Variants in SHOC1 observed in about 807,000 individuals in gnomAD.
The protein encoded by SHOC1 is shortage in chiasmata 1.
A neutral mutation model predicts 179.2 loss-of-function variants in SHOC1; 136 were observed. The observed-to-expected ratio is 0.76, with a 90% CI of 0.66 to 0.87. The LOEUF (loss-of-function observed/expected upper bound fraction) is 0.87, where lower values mean the gene tolerates loss of function less well. Among genes scored for constraint, SHOC1 ranks in the 40% least tolerant of loss-of-function variants. The probability of loss-of-function intolerance (pLI) is 0.00; values close to 1 mark genes in which losing one functional copy is unlikely to be tolerated. For synonymous variants in SHOC1, 489 were observed against 586.6 expected (o/e 0.83, Z 2.41); for missense variants, 1,538 against 1,700.8 (o/e 0.90, Z 1.68).
chr9:111,707,847 ATT>A lies in SHOC1; in HGVS notation c.2558+6_2558+7del. ...TTGTTCCTCACAGATGAAGGAATGA[ATT>A]TTTACCCCCTTAAAACACCTTCAGA... is the stretch of plus-strand genomic sequence containing the variant. On this transcript the variant is annotated splice_donor_region_variant and intron_variant, in intron 19 of 27. Coordinates refer to ENST00000682961, the MANE Select transcript of SHOC1 (RefSeq NM_001378211.1). 6.4e-7 allele frequency: 1 copy of A among 1,551,912 alleles called. No homozygotes were observed. The highest frequency in any genetic ancestry group is 8.8e-7 in the Non-Finnish European group (1 of 1,139,798).
At chr9:111,792,509 C>T (rs765771546) in intron 1 of SHOC1, among the ~76,000 whole-genome samples, 8 of 151,956 alleles carry the variant, frequency 5.3e-5, no homozygotes, top group Non-Finnish European at 1.0e-4. Context: ...GGCTGAGGCA[C>T]GAGAATTGCT....
At chr9:111,708,729 G>A (rs1832393149) in intron 18 of SHOC1, among the ~76,000 whole-genome samples, 1 of 152,064 alleles carries the variant, frequency 6.6e-6, no homozygotes, top group South Asian at 2.1e-4. Context: ...ATTCACTCTT[G>A]CTTCTCATAC....
chr9:111,734,856 T>C (rs574148888), intron 12 of SHOC1, among the ~76,000 whole-genome samples: 2 of 152,308 alleles, frequency 1.3e-5, no homozygotes, highest in East Asian at 3.9e-4. Context: ...TAGGAGTACA[T>C]GGGCAGGTTT....
At chr9:111,792,010 GGAAACAATTTGT>G (rs1404649367) in intron 1 of SHOC1, among the ~76,000 whole-genome samples, 4 of 152,142 alleles carry the variant, frequency 2.6e-5, no homozygotes, top group Non-Finnish European at 4.4e-5. Context: ...TGGAAAATTG[GGAAACAATTTGT>G]GAAACTGTTT....
chr9:111,783,721 C>T lies in SHOC1; in HGVS notation c.169+2191G>A, dbSNP rs139517955. On this transcript the variant is annotated intron_variant, in intron 3 of 27. Transcript: ENST00000682961. The stretch of plus-strand genomic sequence containing the variant: ...CTTGAGAAGCAGGTTCACTGTATAC[C>T]GATTACCAACTTGTTTGAGTATGGT... Among the ~76,000 whole-genome samples the T allele has an allele frequency of 2.1e-3, 323 of 152,230 alleles. 3 individuals are homozygous for T. Among genetic ancestry groups the T allele is most frequent in the Non-Finnish European group, 7.6e-4 (52 of 68,022 alleles).
chr9:111,742,471 G>A (rs1015253181), intron 10 of SHOC1, among the ~76,000 whole-genome samples: 2 of 143,690 alleles, frequency 1.4e-5, no homozygotes, highest in Non-Finnish European at 3.0e-5. Flanking sequence ...GTCTGTGTAT[G>A]TGTGTTTAGG....
intron 12 of SHOC1, among the ~76,000 whole-genome samples, chr9:111,737,529 G>A (rs1471670627): frequency 2.6e-5 from 4 of 151,500 alleles, no homozygotes; most frequent in South Asian, 4.2e-4. Flanking sequence ...GCATGGTGGC[G>A]GGCACCTGTA....
intron 2 of SHOC1, among the ~76,000 whole-genome samples, chr9:111,786,877 G>T (rs1325544236): frequency 2.0e-5 from 3 of 152,182 alleles, no homozygotes; most frequent in Non-Finnish European, 4.4e-5. Flanking sequence ...AGGACAAGCT[G>T]ACTCTCTTGC....
At chr9:111,763,148 A>G (rs1564156452) in intron 5 of SHOC1, among the ~76,000 whole-genome samples, 1 of 151,872 alleles carries the variant, frequency 6.6e-6, no homozygotes, top group Non-Finnish European at 1.5e-5. Context: ...TAAAAAATAA[A>G]TGATATATAA....
chr9:111,758,176 C>G lies in SHOC1; in HGVS notation c.616G>C (p.Glu206Gln), dbSNP rs1162096983. The change falls in exon 7 of 28, where the codon GAA (glutamate) becomes CAA (glutamine). Residue 206 changes from glutamate (E) to glutamine (Q), a missense_variant. Coordinates refer to ENST00000682961, the MANE Select transcript of SHOC1 (RefSeq NM_001378211.1). ...TCTTTCACAAAAGCTTCCAAAGTTT[C>G]TTGAAGAGAGAAACATTCCCTTAAA... ...NFSRECFSLQ[E>Q]TLEAFVKEDF... 2 of 1,572,366 alleles carry G rather than the reference C, an allele frequency of 1.3e-6. No individual in the cohort carries two copies. Among genetic ancestry groups the G allele is most frequent in the Non-Finnish European group, 1.7e-6 (2 of 1,159,140 alleles).
intron 5 of SHOC1, among the ~76,000 whole-genome samples, chr9:111,767,920 G>A (rs1589458971): frequency 2.0e-5 from 3 of 150,826 alleles, no homozygotes; most frequent in Admixed American, 2.0e-4. Context: ...TTGGTATTTT[G>A]ATAGGGATTG....
chr9:111,759,593 A>G (rs1277146194), intron 5 of SHOC1: 1 of 1,059,954 alleles, frequency 9.4e-7, no homozygotes, highest in African/African-American at 1.7e-5. Context: ...CAATTCTTCA[A>G]TAAGTTTTTG....
intron 12 of SHOC1, among the ~76,000 whole-genome samples, chr9:111,731,131 A>C (rs1833549153): frequency 6.6e-6 from 1 of 152,014 alleles, no homozygotes; most frequent in African/African-American, 2.4e-5. Flanking sequence ...GCTTTGGCTT[A>C]AGGGAATATT....
rs192022053 is a variant in SHOC1 at position 111,708,209 on chromosome 9, T to G, written c.2489-285A>C. Among the ~76,000 whole-genome samples the G allele has an allele frequency of 9.0e-4, 122 of 135,848 alleles. 1 individual carries two copies. Among genetic ancestry groups the G allele is most frequent in the African/African-American group, 4.0e-3 (116 of 29,058 alleles). 89.1% of individuals were successfully genotyped at this position (135,848 alleles called of 152,430 possible). On this transcript the variant is annotated intron_variant, in intron 18 of 27. Transcript: ENST00000682961. The stretch of plus-strand genomic sequence containing the variant: ...TTTTGTTAATTTTTATTTTTTATTT[T>G]TTATTTTTTTTGAGACAGAGTCTCG...
intron 5 of SHOC1, among the ~76,000 whole-genome samples, chr9:111,761,006 A>G (rs1480816983): frequency 1.3e-5 from 2 of 151,916 alleles, no homozygotes; most frequent in Non-Finnish European, 2.9e-5. Context: ...TACTGACACA[A>G]TAATAGGCAA....
At chr9:111,785,458 TACCAA>T (rs1836228580) in intron 3 of SHOC1, among the ~76,000 whole-genome samples, 1 of 152,156 alleles carries the variant, frequency 6.6e-6, no homozygotes, top group Non-Finnish European at 1.5e-5. Context: ...ACATAATATA[TACCAA>T]GTAAATGCTG....
At chr9:111,711,734 G>A (rs1832559504) in intron 18 of SHOC1, among the ~76,000 whole-genome samples, 1 of 152,150 alleles carries the variant, frequency 6.6e-6, no homozygotes, top group East Asian at 1.9e-4. Flanking sequence ...GAAAATAGGA[G>A]TGGAACTAAG....
chr9:111,760,520 T>C (rs1835089152), intron 5 of SHOC1, among the ~76,000 whole-genome samples: 1 of 152,150 alleles, frequency 6.6e-6, no homozygotes, highest in Non-Finnish European at 1.5e-5. Context: ...GAGAGGTTTA[T>C]TCTTTACAAA....
chr9:111,704,804 G>A (rs901669530), intron 21 of SHOC1, among the ~76,000 whole-genome samples: 8 of 151,924 alleles, frequency 5.3e-5, no homozygotes, highest in Non-Finnish European at 1.2e-4. Flanking sequence ...AGAACTTCAC[G>A]GTCCTGTTTC....
Sources: gnomAD v4.1 joint callset for allele counts (sites outside exome capture counted in the v4.1 genomes callset) on GRCh38, gnomAD v4.1.1 for gene constraint, MANE v1.5 for transcripts, NCBI Gene and HGNC (gene_info 2026-07-23, HGNC 2026-07-21) for gene names.